Variants in SCEL observed in about 807,000 individuals in gnomAD.
SCEL encodes sciellin.
SCEL carries 113 observed loss-of-function variants against 117.6 expected under a neutral mutation model. That is an observed-to-expected ratio of 0.96 (90% CI 0.83 to 1.12). The LOEUF (loss-of-function observed/expected upper bound fraction) is 1.12. SCEL is among the 50% of genes most tolerant of loss of function. SCEL has a pLI of 0.00. For synonymous variants in SCEL, 270 were observed against 256.2 expected, an observed-to-expected ratio of 1.05 and a Z score of -0.51; for missense variants, 785 against 810.8, an observed-to-expected ratio of 0.97 and a Z score of 0.39.
chr13:77,608,027 A>G, intron 19 of SCEL, 29 bp from the exon 20 acceptor site: 1 of 1,572,716 alleles, frequency 6.4e-7, no homozygotes, highest in East Asian at 2.2e-5. Context: ...CGTGTTGTCA[A>G]TCTTAACCAT....
At chr13:77,536,254 T>C (rs1444812506) in intron 1 of SCEL, among the ~76,000 whole-genome samples, 2 of 152,240 alleles carry the variant, frequency 1.3e-5, no homozygotes, top group Non-Finnish European at 2.9e-5. Context: ...TATTGCTTTA[T>C]AGTTAATAAG....
chr13:77,629,614 T>A (rs912024266), intron 28 of SCEL, among the ~76,000 whole-genome samples: 3 of 152,198 alleles, frequency 2.0e-5, no homozygotes, highest in Admixed American at 1.3e-4. Flanking sequence ...AAGTTCCACT[T>A]TGCCCTCTGA....
chr13:77,554,167 G>A (rs2084513909), intron 1 of SCEL, among the ~76,000 whole-genome samples: 1 of 152,174 alleles, frequency 6.6e-6, no homozygotes, highest in Non-Finnish European at 1.5e-5. Flanking sequence ...CTCTCTGCTG[G>A]TTGAACTACA....
At chr13:77,578,881 G>A (rs761580045) in intron 9 of SCEL, among the ~76,000 whole-genome samples, 1 of 152,126 alleles carries the variant, frequency 6.6e-6, no homozygotes, top group Non-Finnish European at 1.5e-5. Flanking sequence ...CAGGTAAAAG[G>A]CAGGTTCCAA....
intron 27 of SCEL, among the ~76,000 whole-genome samples, chr13:77,621,047 G>C (rs939492277): frequency 6.6e-6 from 1 of 152,092 alleles, no homozygotes; most frequent in African/African-American, 2.4e-5. Flanking sequence ...ATCTCAGGGA[G>C]TGGTCCAAGA....
At chr13:77,556,026 C>T in intron 2 of SCEL, 108 bp downstream of exon 2, 1 of 756,206 alleles carries the variant, frequency 1.3e-6, no homozygotes, top group Non-Finnish European at 2.2e-6. Flanking sequence ...AAACAACAGT[C>T]TAATTTAATT....
intron 24 of SCEL, among the ~76,000 whole-genome samples, chr13:77,615,217 T>C (rs2088935295): frequency 6.6e-6 from 1 of 151,938 alleles, no homozygotes; most frequent in Non-Finnish European, 1.5e-5. Context: ...GCCTTGGAGA[T>C]TATCCAATTC....
Position 77,604,238 on chromosome 13 carries a change from A to C in SCEL, c.1098-118A>C. The C allele has an allele frequency of 8.5e-6, 5 of 589,698 alleles. No individual in the cohort carries two copies. In the South Asian group the frequency reaches 1.4e-4, roughly 16 times the overall value. 36.5% of individuals were successfully genotyped at this position (589,698 alleles called of 1,614,324 possible). On this transcript the variant is annotated intron_variant, in intron 18 of 32. Transcript: ENST00000349847. ...TTCATTTTCTTTTAGAGCTTTAAAA[A>C]TTTACATTGATATAGAAAACTTGTA... is the stretch of plus-strand genomic sequence containing the variant.
intron 18 of SCEL, chr13:77,604,129 C>G (rs1016069882): frequency 5.9e-6 from 2 of 341,708 alleles, no homozygotes; most frequent in Non-Finnish European, 5.2e-6. Flanking sequence ...CTTAGGTATT[C>G]TGAGAACAAA....
In SCEL at chr13:77,642,420, C is replaced by T. The variant is rs567798277; in HGVS notation, c.1948-286C>T. 2.0e-5 allele frequency among the ~76,000 whole-genome samples: 3 copies of T among 152,280 alleles called. No individual in the cohort carries two copies. In the East Asian group the frequency reaches 5.8e-4, roughly 29 times the overall value. ...GTCAGATAAGCAGTTTATTTCTCTCCATGAGGTTGTGCCTGGACAGCATAA... is the reference window on the plus strand; with the variant it reads ...GTCAGATAAGCAGTTTATTTCTCTCTATGAGGTTGTGCCTGGACAGCATAA... On this transcript the variant is annotated intron_variant, in intron 31 of 32. Coordinates refer to ENST00000349847, the MANE Select transcript of SCEL (RefSeq NM_144777.3).
At chr13:77,595,942 A>T (rs966107478) in intron 12 of SCEL, among the ~76,000 whole-genome samples, 2 of 152,118 alleles carry the variant, frequency 1.3e-5, no homozygotes, top group Middle Eastern at 3.2e-3. Flanking sequence ...CGTGCCAGGC[A>T]TCTTCAAGCA....
At chr13:77,615,330 A>G (rs2088944219) in intron 24 of SCEL, among the ~76,000 whole-genome samples, 1 of 152,116 alleles carries the variant, frequency 6.6e-6, no homozygotes, top group Admixed American at 6.6e-5. Flanking sequence ...TCTTTACATC[A>G]CAGCACACAG....
chr13:77,636,188 A>G (rs1179273595), intron 29 of SCEL, among the ~76,000 whole-genome samples: 1 of 152,134 alleles, frequency 6.6e-6, no homozygotes, highest in East Asian at 1.9e-4. Context: ...TTTGAGGTTG[A>G]ATCCTTCTTT....
intron 19 of SCEL, 64 bp from the exon 20 acceptor site, chr13:77,607,992 T>C: frequency 7.8e-7 from 1 of 1,273,976 alleles, no homozygotes; most frequent in East Asian, 2.3e-5. Context: ...AGCTTTATCT[T>C]CTTGTTGTCA....
intron 4 of SCEL, among the ~76,000 whole-genome samples, chr13:77,563,307 C>T (rs34497299): frequency 0.035 from 5,242 of 151,474 alleles, 118 homozygotes; most frequent in Non-Finnish European, 0.055. Context: ...CCTTTCTTTC[C>T]TGTCTTTCCC....
intron 12 of SCEL, among the ~76,000 whole-genome samples, chr13:77,595,399 A>G (rs1014601359): frequency 6.6e-6 from 1 of 152,238 alleles, no homozygotes; most frequent in Non-Finnish European, 1.5e-5. Flanking sequence ...TACAAATGCA[A>G]TGGTGAAACT....
intron 3 of SCEL, 102 bp from the exon 4 acceptor site, chr13:77,559,702 C>A: frequency 2.2e-6 from 2 of 916,626 alleles, no homozygotes; most frequent in Admixed American, 2.0e-5. Flanking sequence ...ATGAATTAAC[C>A]TTGCCAAAAA....
chr13:77,635,479 A>G (rs1431354806), intron 29 of SCEL, among the ~76,000 whole-genome samples: 1 of 152,168 alleles, frequency 6.6e-6, no homozygotes, highest in Non-Finnish European at 1.5e-5. Context: ...TTTACATAAT[A>G]ATCTCTCACA....
At position 77,589,207 on chromosome 13, in the gene SCEL, G is replaced by A. The variant is rs1249075141; in HGVS notation, c.609G>A (p.Gln203=). ...KPSSPVSSPN[Q]LRQDNRQIHP... ...GTTCTCCTGTTTCTTCTCCTAACCA[G>A]CTGAGACAGGATAATAGGTAAGACC... Residue 203 remains glutamine, a synonymous_variant, in exon 10 of 33, where the codon CAG becomes CAA. Coordinates refer to ENST00000349847, the MANE Select transcript of SCEL (RefSeq NM_144777.3). 1 of 1,611,446 alleles carries A rather than the reference G, an allele frequency of 6.2e-7. No individual in the cohort carries two copies. Among genetic ancestry groups the A allele is most frequent in the Non-Finnish European group, 8.5e-7 (1 of 1,177,724 alleles).
Sources: allele counts gnomAD v4.1 joint callset (sites outside exome capture counted in the v4.1 genomes callset), GRCh38; gene constraint gnomAD v4.1.1; transcripts MANE v1.5; gene names NCBI Gene and HGNC (gene_info 2026-07-23, HGNC 2026-07-21).